The following CHD6 variants were observed in gnomAD, a reference collection of about 807,000 sequenced individuals.
CHD6 encodes chromodomain helicase DNA binding protein 6.
In CHD6, 50 loss-of-function variants were observed where a neutral mutation model predicts 276.9. That is an observed-to-expected ratio of 0.18 (90% confidence interval 0.14 to 0.23). The LOEUF (loss-of-function observed/expected upper bound fraction) is 0.23, where lower values mean the gene tolerates loss of function less well. Ranked by LOEUF, CHD6 falls within the 10% of genes least tolerant of loss-of-function variation. The pLI is 1.00. For missense variants in CHD6, 2,564 were observed against 3,365.8 expected (o/e 0.76, Z 5.89); for synonymous variants, 1,173 against 1,229.3 (o/e 0.95, Z 0.96).
intron 1 of CHD6, among the ~76,000 whole-genome samples, chr20:41,573,583 T>C (rs1245346974): frequency 1.3e-5 from 2 of 152,106 alleles, no homozygotes; most frequent in East Asian, 3.9e-4. Context: ...GATACAAATA[T>C]CTGTGACCCA....
intron 16 of CHD6, among the ~76,000 whole-genome samples, chr20:41,476,738 A>C (rs1040572987): frequency 2.0e-5 from 3 of 152,118 alleles, no homozygotes; most frequent in Non-Finnish European, 4.4e-5. Context: ...GACCCAAGTT[A>C]AGTGTAGTGA....
At chr20:41,484,739 T>C (rs1260583429) in intron 14 of CHD6, 132 bp from the exon 15 acceptor site, 35 of 912,586 alleles carry the variant, frequency 3.8e-5, no homozygotes, top group Non-Finnish European at 8.4e-6. Flanking sequence ...AGAAAGATTA[T>C]GATCGACCCC....
At chr20:41,609,178 A>C (rs2045859754) in intron 1 of CHD6, among the ~76,000 whole-genome samples, 2 of 152,158 alleles carry the variant, frequency 1.3e-5, no homozygotes, top group South Asian at 4.1e-4. Flanking sequence ...AGCTGGGTGC[A>C]GTGGCATGTC....
chr20:41,558,905 T>TA (rs2045270008), intron 1 of CHD6, among the ~76,000 whole-genome samples: 1 of 152,152 alleles, frequency 6.6e-6, no homozygotes, highest in South Asian at 2.1e-4. Flanking sequence ...CTCCACCAGG[T>TA]ACTTATTACT....
At chr20:41,480,664 AT>A (rs1226052850) in intron 16 of CHD6, among the ~76,000 whole-genome samples, 2 of 152,182 alleles carry the variant, frequency 1.3e-5, no homozygotes, top group Non-Finnish European at 2.9e-5. Context: ...CAACTGAAAA[AT>A]ATCAAGAAAT....
At chr20:41,608,624 G>T (rs2045854009) in intron 1 of CHD6, among the ~76,000 whole-genome samples, 1 of 152,198 alleles carries the variant, frequency 6.6e-6, no homozygotes, top group East Asian at 1.9e-4. Flanking sequence ...CCACAGATCA[G>T]CTCTGTGACC....
intron 1 of CHD6, among the ~76,000 whole-genome samples, chr20:41,603,231 A>C (rs2045791324): frequency 6.6e-6 from 1 of 152,014 alleles, no homozygotes; most frequent in Non-Finnish European, 1.5e-5. Context: ...AGGTGCCAGC[A>C]GTCCCAGCTC....
At chr20:41,550,003 G>A (rs1443002444) in intron 2 of CHD6, among the ~76,000 whole-genome samples, 2 of 152,188 alleles carry the variant, frequency 1.3e-5, no homozygotes, top group African/African-American at 2.4e-5. Flanking sequence ...GTTTTGCCAT[G>A]TTGGCCAGGC....
intron 1 of CHD6, among the ~76,000 whole-genome samples, chr20:41,585,096 G>A (rs1190116515): frequency 1.3e-5 from 2 of 152,044 alleles, no homozygotes; most frequent in Admixed American, 6.6e-5. Context: ...GACATCATGA[G>A]GTATACATTA....
chr20:41,568,195 A>G (rs932800997), intron 1 of CHD6, among the ~76,000 whole-genome samples: 3 of 152,224 alleles, frequency 2.0e-5, no homozygotes, highest in African/African-American at 7.2e-5. Flanking sequence ...GAAACAAAAT[A>G]TTTCAAACAA....
chr20:41,405,902 G>A lies in CHD6; in HGVS notation c.7252-413C>T, dbSNP rs137898131. ...AACACTTGCCTTCCTCTTGACACAG[G>A]TTTTTATTGAAGCAACAAAGCAGAA... On this transcript the variant is annotated intron_variant, in intron 36 of 36. Coordinates refer to ENST00000373233, the MANE Select transcript of CHD6 (RefSeq NM_032221.5). Among the ~76,000 whole-genome samples the A allele has an allele frequency of 5.4e-4, 82 of 152,202 alleles. No homozygotes were observed. The East Asian group carries it at 0.013, about 24-fold the overall frequency.
At chr20:41,557,690 C>T (rs762375984) in intron 1 of CHD6, among the ~76,000 whole-genome samples, 1 of 152,106 alleles carries the variant, frequency 6.6e-6, no homozygotes, top group Admixed American at 6.5e-5. Flanking sequence ...CCAGCAGACC[C>T]CTACCAAGGT....
intron 5 of CHD6, among the ~76,000 whole-genome samples, chr20:41,508,490 GA>G (rs2044033080): frequency 6.6e-6 from 1 of 152,140 alleles, no homozygotes; most frequent in Non-Finnish European, 1.5e-5. Flanking sequence ...TTGTGGCAGG[GA>G]AACTACAGAA....
intron 1 of CHD6, among the ~76,000 whole-genome samples, chr20:41,570,350 T>A (rs1174742119): frequency 1.3e-5 from 2 of 152,134 alleles, no homozygotes; most frequent in Admixed American, 6.5e-5. Context: ...AAGAGAGGAA[T>A]ATAAAATAAT....
chr20:41,438,674 C>G (rs1354140061), intron 26 of CHD6, among the ~76,000 whole-genome samples: 1 of 152,180 alleles, frequency 6.6e-6, no homozygotes, highest in African/African-American at 2.4e-5. Context: ...GTCCTAGAGG[C>G]AAGATAAGCT....
intron 1 of CHD6, among the ~76,000 whole-genome samples, chr20:41,613,283 C>G (rs1466930409): frequency 1.3e-5 from 2 of 152,132 alleles, no homozygotes; most frequent in Non-Finnish European, 2.9e-5. Context: ...CCCTTTTCCT[C>G]CTAACATATT....
chr20:41,533,306 C>T lies in CHD6; in HGVS notation c.298G>A (p.Glu100Lys). The change falls in exon 3 of 37, where the codon GAG becomes AAG. Residue 100 changes from glutamate to lysine, a missense_variant. Around this residue, in one of 7 missense-constraint regions of CHD6, gnomAD observed 286 missense variants for 297.8 expected, o/e 0.96. Transcript: ENST00000373233. ...GCTGCACCCTCTTGGTCTCCTGGCT[C>T]CTTTTTCTTCCGTTTCTTCTTCACT... ...TGVKKKRKKK[E>K]PGDQEGAAKG... 1 of 1,614,084 alleles carries T rather than the reference C, an allele frequency of 6.2e-7. No individual in the cohort carries two copies. Among genetic ancestry groups the T allele is most frequent in the Non-Finnish European group, 8.5e-7 (1 of 1,180,012 alleles).
chr20:41,500,615 T>A (rs2043808226), intron 5 of CHD6, among the ~76,000 whole-genome samples: 1 of 152,170 alleles, frequency 6.6e-6, no homozygotes, highest in Admixed American at 6.5e-5. Flanking sequence ...ACTATGCTTT[T>A]GTTTCTCTGT....
chr20:41,551,772 G>A (rs1326845695), intron 1 of CHD6, among the ~76,000 whole-genome samples: 2 of 152,110 alleles, frequency 1.3e-5, no homozygotes, highest in African/African-American at 4.8e-5. Flanking sequence ...AATCAAGAAA[G>A]AGAAATACAG....
Sources: gnomAD v4.1 joint callset for allele counts (sites outside exome capture counted in the v4.1 genomes callset) on GRCh38, gnomAD v4.1.1 for gene constraint, gnomAD v4.1.1 regional missense constraint, MANE v1.5 for transcripts, NCBI Gene and HGNC (gene_info 2026-07-23, HGNC 2026-07-21) for gene names.